The following COL5A2 variants were observed in gnomAD, a reference collection of about 807,000 sequenced individuals.
COL5A2 encodes collagen type V alpha 2 chain, also known as collagen alpha-2(V) chain.
A neutral mutation model predicts 208.2 loss-of-function variants in COL5A2; 23 were observed. That is an observed-to-expected ratio of 0.11 (90% CI 0.08 to 0.16). The LOEUF (loss-of-function observed/expected upper bound fraction) is 0.16, where lower values mean the gene tolerates loss of function less well. COL5A2 is among the 10% of genes least tolerant of loss of function. The pLI is 1.00. For missense variants in COL5A2, 1,590 were observed against 1,956.4 expected, an observed-to-expected ratio of 0.81 and a Z score of 3.53; for synonymous variants, 625 against 628.5, an observed-to-expected ratio of 0.99 and a Z score of 0.08.
chr2:189,423,319 C>T, the COL5A2 span, among the ~76,000 whole-genome samples: 11 of 150,896 alleles, frequency 7.3e-5, no homozygotes, highest in South Asian at 4.2e-4. Context: ...TAACATTGCA[C>T]CTTAAGGAAC....
chr2:189,275,380 A>C, the COL5A2 span, among the ~76,000 whole-genome samples: 3 of 151,368 alleles, frequency 2.0e-5, no homozygotes, highest in Non-Finnish European at 4.4e-5. Flanking sequence ...TCAAAATATC[A>C]TAATTTATAT....
the COL5A2 span, among the ~76,000 whole-genome samples, chr2:189,306,274 C>G: frequency 6.6e-6 from 1 of 152,162 alleles, no homozygotes; most frequent in Non-Finnish European, 1.5e-5. Flanking sequence ...TTGAGCACAT[C>G]TTTCCTACCT....
intron 1 of COL5A2, among the ~76,000 whole-genome samples, chr2:189,147,268 T>G (rs531933645): frequency 6.6e-6 from 1 of 152,156 alleles, no homozygotes; most frequent in South Asian, 2.1e-4. Flanking sequence ...ACGAAAATTA[T>G]GAAAAAACGT....
chr2:189,436,523 A>C, the COL5A2 span, among the ~76,000 whole-genome samples: 4 of 152,168 alleles, frequency 2.6e-5, no homozygotes, highest in Non-Finnish European at 5.9e-5. Context: ...TTAAAGTACA[A>C]TAATAATAAA....
the COL5A2 span, chr2:189,311,945 A>G: frequency 3.9e-6 from 3 of 767,086 alleles, no homozygotes; most frequent in Non-Finnish European, 2.3e-6. Flanking sequence ...CTCTGTCTCC[A>G]GCTGCAGCCG....
intron 31 of COL5A2, 27 bp from the exon 32 acceptor site, chr2:189,058,920 G>A (rs1350863327): frequency 6.3e-7 from 1 of 1,597,618 alleles, no homozygotes. Context: ...TTTTTTTAAT[G>A]GAACAAGAGC....
intron 1 of COL5A2, among the ~76,000 whole-genome samples, chr2:189,163,655 A>G (rs181249749): frequency 3.7e-4 from 56 of 152,332 alleles, no homozygotes; most frequent in Admixed American, 3.3e-3. Context: ...ATGTATTACC[A>G]TAGAGATTAT....
At chr2:189,434,870 A>T in the COL5A2 span, among the ~76,000 whole-genome samples, 1 of 152,168 alleles carries the variant, frequency 6.6e-6, no homozygotes, top group African/African-American at 2.4e-5. Flanking sequence ...CATTGCCAAG[A>T]CAATCCTAAG....
chr2:189,161,702 T>A (rs1688367909), intron 1 of COL5A2, among the ~76,000 whole-genome samples: 1 of 152,234 alleles, frequency 6.6e-6, no homozygotes, highest in Admixed American at 6.5e-5. Context: ...ACTATATGCA[T>A]AGCACTGGAG....
the COL5A2 span, among the ~76,000 whole-genome samples, chr2:189,278,276 A>G: frequency 6.6e-6 from 1 of 152,140 alleles, no homozygotes. Flanking sequence ...AAACTTGCTT[A>G]ATTTCTGGAA....
Position 189,042,626 on chromosome 2 carries a change from C to G in COL5A2, c.3525+94G>C, listed in dbSNP as rs895071666. 6.1e-5 allele frequency: 76 copies of G among 1,237,174 alleles called. No individual in the cohort carries two copies. In the Middle Eastern group the frequency reaches 7.4e-4, roughly 12 times the overall value. 76.6% of individuals were successfully genotyped at this position (1,237,174 alleles called of 1,614,324 possible). A position where few individuals can be genotyped will look rare whatever the true frequency, so the allele number is the denominator to read the frequency against. On this transcript the variant is annotated intron_variant, in intron 49 of 53. Coordinates refer to ENST00000374866, the MANE Select transcript of COL5A2 (RefSeq NM_000393.5). ...CTCAGAGAAGATGAGCCAACTCCAGCTTCAATACCAGGAAAACGATACTCA... is the reference window on the plus strand; with the variant it reads ...CTCAGAGAAGATGAGCCAACTCCAGGTTCAATACCAGGAAAACGATACTCA...
intron 1 of COL5A2, among the ~76,000 whole-genome samples, chr2:189,141,679 T>C (rs1197826859): frequency 6.6e-6 from 1 of 152,220 alleles, no homozygotes; most frequent in Non-Finnish European, 1.5e-5. Flanking sequence ...TGAAATTTAC[T>C]AATGCTATTT....
At chr2:189,408,553 T>G in the COL5A2 span, among the ~76,000 whole-genome samples, 1 of 152,194 alleles carries the variant, frequency 6.6e-6, no homozygotes, top group Non-Finnish European at 1.5e-5. Context: ...TCAGTGGCCA[T>G]GGTGACCATT....
At chr2:189,317,792 A>G in the COL5A2 span, among the ~76,000 whole-genome samples, 1 of 152,172 alleles carries the variant, frequency 6.6e-6, no homozygotes, top group Non-Finnish European at 1.5e-5. Flanking sequence ...CTCAGATTGC[A>G]TTATAGGTAA....
intron 1 of COL5A2, among the ~76,000 whole-genome samples, chr2:189,201,569 T>C (rs912123687): frequency 6.6e-6 from 1 of 151,976 alleles, no homozygotes; most frequent in African/African-American, 2.4e-5. Context: ...TAATGGCTAA[T>C]AATTTTCCAA....
At chr2:189,151,528 C>T (rs568535272) in intron 1 of COL5A2, among the ~76,000 whole-genome samples, 66 of 152,218 alleles carry the variant, frequency 4.3e-4, no homozygotes, top group African/African-American at 1.6e-3. Context: ...ATCTAGATAA[C>T]TGGCAAATCA....
chr2:189,337,252 G>C, the COL5A2 span, among the ~76,000 whole-genome samples: 1 of 147,254 alleles, frequency 6.8e-6, no homozygotes, highest in Admixed American at 6.8e-5. Flanking sequence ...GCGGGATCTC[G>C]GCTCACTGCA....
At chr2:189,098,837 T>A in intron 4 of COL5A2, 78 bp from the exon 5 acceptor site, 1 of 1,062,148 alleles carries the variant, frequency 9.4e-7, no homozygotes, top group South Asian at 1.3e-5. Flanking sequence ...CAAATAAGAA[T>A]AACAACAAAA....
At chr2:189,142,281 T>C (rs1197375923) in intron 1 of COL5A2, among the ~76,000 whole-genome samples, 1 of 152,076 alleles carries the variant, frequency 6.6e-6, no homozygotes, top group Non-Finnish European at 1.5e-5. Flanking sequence ...TTTTTTTATT[T>C]CTAAAATAAA....
Sources: gnomAD v4.1 joint callset for allele counts (sites outside exome capture counted in the v4.1 genomes callset) on GRCh38, gnomAD v4.1.1 for gene constraint, MANE v1.5 for transcripts, NCBI Gene and HGNC (gene_info 2026-07-23, HGNC 2026-07-21) for gene names.